Variants in HNRNPC observed in about 807,000 individuals in gnomAD.
The protein encoded by HNRNPC is heterogeneous nuclear ribonucleoprotein C.
HNRNPC carries 3 observed loss-of-function variants against 33.2 expected under a neutral mutation model. The observed-to-expected ratio is 0.09, with a 90% CI of 0.04 to 0.23. The LOEUF (loss-of-function observed/expected upper bound fraction) is 0.23. HNRNPC is among the 10% of genes least tolerant of loss of function. The probability of loss-of-function intolerance (pLI) is 1.00; values close to 1 mark genes in which losing one functional copy is unlikely to be tolerated. For synonymous variants in HNRNPC, 121 were observed against 126.7 expected, an observed-to-expected ratio of 0.96 and a Z score of 0.30; for missense variants, 143 against 366.7, an observed-to-expected ratio of 0.39 and a Z score of 4.98.
intron 2 of HNRNPC, among the ~76,000 whole-genome samples, chr14:21,255,879 A>G (rs1016782559): frequency 1.2e-4 from 18 of 152,246 alleles, no homozygotes; most frequent in Non-Finnish European, 1.9e-4. Flanking sequence ...AAGGGAAGAC[A>G]CATCACTAAG....
chr14:21,263,241 A>G (rs976350793), intron 2 of HNRNPC, 70 bp downstream of exon 2: 1 of 152,558 alleles, frequency 6.6e-6, no homozygotes, highest in African/African-American at 2.4e-5. Flanking sequence ...AATAGTAACT[A>G]GTAACAACAA....
chr14:21,251,448 G>A (rs923558681), intron 2 of HNRNPC, among the ~76,000 whole-genome samples: 2 of 151,972 alleles, frequency 1.3e-5, no homozygotes, highest in Non-Finnish European at 2.9e-5. Context: ...GGAGGCAGAG[G>A]CGGGCAGATA....
In HNRNPC at chr14:21,234,374, T is replaced by C; in HGVS notation, c.-36-145A>G. On this transcript the variant is annotated intron_variant, in intron 2 of 8. Coordinates refer to ENST00000553300, the MANE Select transcript of HNRNPC (RefSeq NM_004500.4). ...GGGACTCACAGCATTAAGTATGTAT[T>C]TGCTAATAATTTCAGAGACTCCAGC... is the stretch of plus-strand genomic sequence containing the variant. 9.9e-6 allele frequency: 6 copies of C among 606,338 alleles called. No homozygotes were observed. The South Asian group carries it at 1.3e-4, about 13-fold the overall frequency. The allele number at this position is 606,338 out of a possible 1,614,324, so 37.6% of individuals were successfully genotyped here. A position where few individuals can be genotyped will look rare whatever the true frequency, so the allele number is the denominator to read the frequency against.
At chr14:21,235,429 T>A (rs1286225473) in intron 2 of HNRNPC, among the ~76,000 whole-genome samples, 1 of 152,232 alleles carries the variant, frequency 6.6e-6, no homozygotes, top group Non-Finnish European at 1.5e-5. Flanking sequence ...ATTTCATATA[T>A]ACATGACTCC....
At chr14:21,231,895 T>C (rs1290286065) in intron 3 of HNRNPC, among the ~76,000 whole-genome samples, 2 of 152,252 alleles carry the variant, frequency 1.3e-5, no homozygotes, top group Non-Finnish European at 2.9e-5. Context: ...TATTAAAATA[T>C]ATGCCAATTC....
chr14:21,250,207 C>T (rs1896477466), intron 2 of HNRNPC, among the ~76,000 whole-genome samples: 1 of 151,578 alleles, frequency 6.6e-6, no homozygotes, highest in African/African-American at 2.4e-5. Flanking sequence ...GAGCCGAGAT[C>T]GCACCACTGC....
intron 2 of HNRNPC, among the ~76,000 whole-genome samples, chr14:21,243,639 G>A (rs112392751): frequency 4.3e-4 from 66 of 152,274 alleles, no homozygotes; most frequent in African/African-American, 1.5e-3. Context: ...ACCAGTACAC[G>A]TTTTGTAGGC....
chr14:21,222,637 A>T (rs934467700), intron 5 of HNRNPC, among the ~76,000 whole-genome samples: 2 of 152,182 alleles, frequency 1.3e-5, no homozygotes, highest in African/African-American at 4.8e-5. Context: ...TCCCGCCTGT[A>T]ATCCCAGCAC....
At chr14:21,234,320 T>C in intron 2 of HNRNPC, 91 bp from the exon 3 acceptor site, 1 of 1,196,132 alleles carries the variant, frequency 8.4e-7, no homozygotes, top group Non-Finnish European at 1.2e-6. Context: ...GAATCACTGT[T>C]AACTGCCCAG....
At chr14:21,220,238 GTTT>G (rs72295427) in intron 5 of HNRNPC, among the ~76,000 whole-genome samples, 2 of 139,808 alleles carry the variant, frequency 1.4e-5, no homozygotes, top group African/African-American at 2.6e-5. Flanking sequence ...TCTATTTCTG[GTTT>G]TTTTTTTTTT....
chr14:21,254,988 T>C (rs1037092068), intron 2 of HNRNPC, among the ~76,000 whole-genome samples: 3 of 151,600 alleles, frequency 2.0e-5, no homozygotes, highest in Non-Finnish European at 4.4e-5. Context: ...AACTCTAGCA[T>C]GAATTCCACA....
intron 2 of HNRNPC, chr14:21,262,833 A>G (rs1247464083): frequency 1.3e-5 from 2 of 152,254 alleles, no homozygotes; most frequent in African/African-American, 4.8e-5. Context: ...TTATTGCAGC[A>G]CAGTTTAAAA....
intron 1 of HNRNPC, among the ~76,000 whole-genome samples, chr14:21,267,053 G>A (rs1387276258): frequency 1.6e-5 from 2 of 128,564 alleles, no homozygotes; most frequent in African/African-American, 2.9e-5. Context: ...ATTGTGCCAC[G>A]ACATGCACTC....
At chr14:21,230,496 A>C in intron 4 of HNRNPC, 130 bp from the exon 5 acceptor site, 1 of 657,548 alleles carries the variant, frequency 1.5e-6, no homozygotes, top group East Asian at 2.8e-5. Flanking sequence ...AATGATCCCC[A>C]ATCATTCATA....
intron 5 of HNRNPC, among the ~76,000 whole-genome samples, chr14:21,225,551 T>G (rs537172814): frequency 6.6e-6 from 1 of 152,220 alleles, no homozygotes; most frequent in South Asian, 2.1e-4. Flanking sequence ...CTTTTAATTC[T>G]AAAAGGTGTC....
At position 21,212,905 on chromosome 14, in the gene HNRNPC, T is replaced by C. The variant is rs908698254; in HGVS notation, c.523+55A>G. 6.9e-6 allele frequency: 11 copies of C among 1,596,108 alleles called. No homozygotes were observed. In the African/African-American group the frequency reaches 1.3e-4, roughly 19 times the overall value. ...ACAAAAATATTGTAACTGCATTAGC[T>C]TCCCTATCTCAAAACACAAGAGATA... On this transcript the variant is annotated intron_variant, in intron 6 of 8. Coordinates refer to ENST00000553300, the MANE Select transcript of HNRNPC (RefSeq NM_004500.4).
chr14:21,244,577 T>C (rs1330829912), intron 2 of HNRNPC, among the ~76,000 whole-genome samples: 1 of 152,216 alleles, frequency 6.6e-6, no homozygotes, highest in Non-Finnish European at 1.5e-5. Context: ...ACTCTTTAAT[T>C]CTTCCCTTAG....
Position 21,221,048 on chromosome 14 carries a change from C to G in HNRNPC, c.366-7931G>C, listed in dbSNP as rs567233212. 5.3e-5 allele frequency among the ~76,000 whole-genome samples: 8 copies of G among 152,240 alleles called. No homozygotes were observed. In the East Asian group the frequency reaches 1.4e-3, roughly 26 times the overall value. ...GGTGCAGTGAGCTGAGATCGTGCCACTGCACTCCTGCCTCAGCAATAGAGC... is the reference window on the plus strand; with the variant it reads ...GGTGCAGTGAGCTGAGATCGTGCCAGTGCACTCCTGCCTCAGCAATAGAGC... On this transcript the variant is annotated intron_variant, in intron 5 of 8. Coordinates refer to ENST00000553300, the MANE Select transcript of HNRNPC (RefSeq NM_004500.4).
At chr14:21,241,971 T>C (rs777676229) in intron 2 of HNRNPC, among the ~76,000 whole-genome samples, 2 of 152,130 alleles carry the variant, frequency 1.3e-5, no homozygotes, top group Non-Finnish European at 2.9e-5. Flanking sequence ...GGTGGGAAAA[T>C]GAATAATTCA....
Sources: gnomAD v4.1 joint callset for allele counts (sites outside exome capture counted in the v4.1 genomes callset) on GRCh38, gnomAD v4.1.1 for gene constraint, MANE v1.5 for transcripts, NCBI Gene and HGNC (gene_info 2026-07-23, HGNC 2026-07-21) for gene names.